DENND1A: variants seen among roughly 807,000 people sequenced by gnomAD.
DENND1A encodes DENN domain containing 1A.
DENND1A carries 51 observed loss-of-function variants against 113.7 expected under a neutral mutation model. The observed-to-expected ratio is 0.45, with a 90% CI of 0.36 to 0.57. DENND1A has a LOEUF of 0.57. Ranked by LOEUF, DENND1A falls within the 20% of genes least tolerant of loss-of-function variation. The probability of loss-of-function intolerance (pLI) is 0.00; values close to 1 mark genes in which losing one functional copy is unlikely to be tolerated. For synonymous variants in DENND1A, 565 were observed against 570.8 expected (o/e 0.99, Z 0.14); for missense variants, 1,258 against 1,395.9 (o/e 0.90, Z 1.57).
chr9:123,842,663 T>C (rs1173658288), intron 2 of DENND1A, among the ~76,000 whole-genome samples: 1 of 152,190 alleles, frequency 6.6e-6, no homozygotes, highest in Non-Finnish European at 1.5e-5. Context: ...TGAACTCAGA[T>C]GACTTTACTG....
At chr9:123,866,173 T>G (rs183502116) in intron 2 of DENND1A, among the ~76,000 whole-genome samples, 1 of 152,332 alleles carries the variant, frequency 6.6e-6, no homozygotes, top group Non-Finnish European at 1.5e-5. Flanking sequence ...GACAGAAAAC[T>G]GGGCTAAATA....
intron 2 of DENND1A, among the ~76,000 whole-genome samples, chr9:123,820,404 G>C (rs1238278717): frequency 1.3e-5 from 2 of 152,188 alleles, no homozygotes; most frequent in Non-Finnish European, 2.9e-5. Context: ...TGTGTCTCAG[G>C]CTGGACTTCT....
intron 2 of DENND1A, among the ~76,000 whole-genome samples, chr9:123,796,790 CAT>C (rs1554760053): frequency 4.0e-5 from 6 of 151,438 alleles, no homozygotes; most frequent in Admixed American, 6.6e-5. Flanking sequence ...CACACACACA[CAT>C]CTTACCAAAT....
chr9:123,498,227 C>T (rs78229142), intron 13 of DENND1A, among the ~76,000 whole-genome samples: 11,640 of 152,296 alleles, frequency 0.076, 585 homozygotes, highest in Non-Finnish European at 0.11. Flanking sequence ...CTATTATGTG[C>T]ACTTGGTACA....
At chr9:123,667,960 C>T (rs1411679096) in intron 7 of DENND1A, among the ~76,000 whole-genome samples, 1 of 152,142 alleles carries the variant, frequency 6.6e-6, no homozygotes, top group African/African-American at 2.4e-5. Flanking sequence ...ACTGGAGACT[C>T]AGCGGAGTTG....
At chr9:123,533,006 A>C (rs1435109027) in intron 13 of DENND1A, among the ~76,000 whole-genome samples, 1 of 152,262 alleles carries the variant, frequency 6.6e-6, no homozygotes, top group South Asian at 2.1e-4. Flanking sequence ...AATCATGCAC[A>C]CAAGTACACA....
chr9:123,757,007 G>A (rs1306927410), intron 5 of DENND1A, among the ~76,000 whole-genome samples: 2 of 152,292 alleles, frequency 1.3e-5, no homozygotes, highest in African/African-American at 4.8e-5. Context: ...GAGCATGGGG[G>A]ATGCCTTTAC....
At chr9:123,703,919 T>A (rs2140745921) in intron 5 of DENND1A, among the ~76,000 whole-genome samples, 1 of 152,202 alleles carries the variant, frequency 6.6e-6, no homozygotes, top group South Asian at 2.1e-4. Flanking sequence ...GTCAAACTCA[T>A]TAAATTGTAC....
intron 2 of DENND1A, among the ~76,000 whole-genome samples, chr9:123,869,585 C>A (rs1846230125): frequency 6.6e-6 from 1 of 152,170 alleles, no homozygotes. Context: ...ACATCTCTAT[C>A]CCAAACAAGA....
intron 9 of DENND1A, among the ~76,000 whole-genome samples, chr9:123,644,692 T>G (rs2062217915): frequency 6.6e-6 from 1 of 152,188 alleles, no homozygotes; most frequent in African/African-American, 2.4e-5. Flanking sequence ...TGTAATCCCT[T>G]GATGTTTCTC....
At position 123,707,462 on chromosome 9, in the gene DENND1A, T is replaced by C. The variant is rs1589750975; in HGVS notation, c.303-30673A>G. On this transcript the variant is annotated intron_variant, in intron 5 of 23. Transcript: ENST00000394215. ...TGGAAGGGAGCACCATTTAACACTT[T>C]GGGGAGGTATGGAATAACTGGCAAA... Among the ~76,000 whole-genome samples the C allele has an allele frequency of 2.7e-5, 4 of 150,458 alleles. No homozygotes were observed. The South Asian group carries it at 8.4e-4, about 32-fold the overall frequency.
chr9:123,472,295 C>G (rs1374695956), intron 13 of DENND1A, among the ~76,000 whole-genome samples: 1 of 152,084 alleles, frequency 6.6e-6, no homozygotes, highest in Non-Finnish European at 1.5e-5. Context: ...AAACCAAGGA[C>G]CAGGAAGAAG....
At chr9:123,831,135 T>G (rs779546721) in intron 2 of DENND1A, among the ~76,000 whole-genome samples, 4 of 152,116 alleles carry the variant, frequency 2.6e-5, no homozygotes, top group Admixed American at 1.3e-4. Context: ...GTTTCAAAAT[T>G]TAACTGTATT....
At chr9:123,822,741 A>T (rs1838683941) in intron 2 of DENND1A, among the ~76,000 whole-genome samples, 1 of 152,264 alleles carries the variant, frequency 6.6e-6, no homozygotes, top group South Asian at 2.1e-4. Flanking sequence ...AGAAAACTAT[A>T]CCTGTCCTTA....
chr9:123,535,516 T>C (rs1177501916), intron 13 of DENND1A, among the ~76,000 whole-genome samples: 1 of 152,224 alleles, frequency 6.6e-6, no homozygotes, highest in African/African-American at 2.4e-5. Flanking sequence ...CCCCTGCCTC[T>C]CTCGGCCTCT....
chr9:123,822,772 T>A (rs1302206952), intron 2 of DENND1A, among the ~76,000 whole-genome samples: 1 of 152,262 alleles, frequency 6.6e-6, no homozygotes, highest in Non-Finnish European at 1.5e-5. Flanking sequence ...TTTTCTCTGA[T>A]AATTGCTATT....
At chr9:123,656,990 A>G (rs2062982802) in intron 8 of DENND1A, among the ~76,000 whole-genome samples, 1 of 152,136 alleles carries the variant, frequency 6.6e-6, no homozygotes. Flanking sequence ...TCCACCTAGC[A>G]TCTCTTCTGG....
At chr9:123,690,410 A>G (rs2065118620) in intron 5 of DENND1A, among the ~76,000 whole-genome samples, 1 of 152,218 alleles carries the variant, frequency 6.6e-6, no homozygotes, top group South Asian at 2.1e-4. Context: ...AATACTTGAA[A>G]GCAACCTAAA....
intron 9 of DENND1A, among the ~76,000 whole-genome samples, chr9:123,646,451 A>C (rs1311345887): frequency 2.6e-5 from 4 of 152,178 alleles, no homozygotes; most frequent in Non-Finnish European, 5.9e-5. Context: ...GCATGTTGGC[A>C]TGCTCATAAG....
Sources: gnomAD v4.1 joint callset for allele counts (sites outside exome capture counted in the v4.1 genomes callset) on GRCh38, gnomAD v4.1.1 for gene constraint, MANE v1.5 for transcripts, NCBI Gene and HGNC (gene_info 2026-07-23, HGNC 2026-07-21) for gene names.